The following TMEM163 variants were observed in gnomAD, a reference collection of about 807,000 sequenced individuals.
The protein encoded by TMEM163 is transmembrane protein 163.
A neutral mutation model predicts 29.3 loss-of-function variants in TMEM163; 17 were observed. The observed-to-expected ratio is 0.58, with a 90% CI of 0.40 to 0.87. The LOEUF (loss-of-function observed/expected upper bound fraction) is 0.87, where lower values mean the gene tolerates loss of function less well. TMEM163 is among the 40% of genes least tolerant of loss of function. The pLI, the probability that TMEM163 is intolerant of heterozygous loss-of-function variation, is 0.00. For synonymous variants in TMEM163, 157 were observed against 160.6 expected (o/e 0.98, Z 0.17); for missense variants, 303 against 381.5 (o/e 0.79, Z 1.71).
chr2:134,629,083 CCT>C (rs1408986723), intron 2 of TMEM163, among the ~76,000 whole-genome samples: 5 of 152,156 alleles, frequency 3.3e-5, no homozygotes, highest in African/African-American at 7.2e-5. Context: ...CCAGGTCTTA[CCT>C]AAGTGTTTTA....
intron 5 of TMEM163, among the ~76,000 whole-genome samples, chr2:134,479,662 G>T (rs1260966508): frequency 6.6e-6 from 1 of 152,316 alleles, no homozygotes; most frequent in African/African-American, 2.4e-5. Flanking sequence ...AAAGGGCTTA[G>T]GGGGCACCTA....
At chr2:134,458,904 A>G (rs973453111) in intron 6 of TMEM163, 9 of 151,914 alleles carry the variant, frequency 5.9e-5, no homozygotes, top group African/African-American at 2.2e-4. Flanking sequence ...GAGCTACTAG[A>G]TAGTGACTGC....
At chr2:134,517,926 A>T (rs1167147598) in intron 4 of TMEM163, among the ~76,000 whole-genome samples, 1 of 151,342 alleles carries the variant, frequency 6.6e-6, no homozygotes, top group Non-Finnish European at 1.5e-5. Flanking sequence ...TTCCTTTCAT[A>T]TATCACTACA....
At chr2:134,508,539 C>T (rs1679877736) in intron 4 of TMEM163, among the ~76,000 whole-genome samples, 1 of 152,180 alleles carries the variant, frequency 6.6e-6, no homozygotes, top group Admixed American at 6.5e-5. Context: ...GGAAGCTCAT[C>T]TTGGAGGCAG....
chr2:134,621,112 C>G (rs572130060), intron 2 of TMEM163, among the ~76,000 whole-genome samples: 32 of 152,066 alleles, frequency 2.1e-4, no homozygotes, highest in African/African-American at 7.0e-4. Context: ...AATATATATC[C>G]CTCGTATCAT....
chr2:134,561,499 A>AC (rs1681182644), intron 2 of TMEM163, among the ~76,000 whole-genome samples: 1 of 150,724 alleles, frequency 6.6e-6, no homozygotes, highest in South Asian at 2.1e-4. Flanking sequence ...GGCACCCACC[A>AC]CCACGCCCGG....
intron 1 of TMEM163, among the ~76,000 whole-genome samples, chr2:134,715,471 T>C (rs1336792985): frequency 6.6e-6 from 1 of 152,244 alleles, no homozygotes; most frequent in Non-Finnish European, 1.5e-5. Flanking sequence ...AAAAATAAAA[T>C]GGAATAAGTA....
chr2:134,489,904 C>T lies in TMEM163; in HGVS notation c.555+12997G>A, dbSNP rs143913784. Among the ~76,000 whole-genome samples the T allele has an allele frequency of 2.1e-4, 32 of 152,292 alleles. 2 individuals carry two copies. The highest frequency in any genetic ancestry group is 6.5e-4 in the African/African-American group (27 of 41,560). On this transcript the variant is annotated intron_variant, in intron 5 of 7. Coordinates refer to ENST00000281924, the MANE Select transcript of TMEM163 (RefSeq NM_030923.5). The stretch of plus-strand genomic sequence containing the variant: ...CAGGCAGCCTCTGTTGGGGATTCCC[C>T]GAAAGATGAACTCCTCCTGGTTATA...
intron 2 of TMEM163, among the ~76,000 whole-genome samples, chr2:134,577,593 G>C (rs1435550235): frequency 6.6e-6 from 1 of 152,168 alleles, no homozygotes; most frequent in Non-Finnish European, 1.5e-5. Context: ...GGCCAGGAGA[G>C]AGGGGGCAGG....
chr2:134,576,087 CCA>C (rs1681548595), intron 2 of TMEM163, among the ~76,000 whole-genome samples: 1 of 151,976 alleles, frequency 6.6e-6, no homozygotes, highest in Non-Finnish European at 1.5e-5. Flanking sequence ...AGGGTGGTGG[CCA>C]CAGACGTGTC....
chr2:134,489,948 T>G (rs187048644), intron 5 of TMEM163, among the ~76,000 whole-genome samples: 8 of 152,220 alleles, frequency 5.3e-5, no homozygotes, highest in African/African-American at 1.9e-4. Flanking sequence ...CTAAGTGCAG[T>G]ACCAGCTTAC....
intron 5 of TMEM163, among the ~76,000 whole-genome samples, chr2:134,500,690 T>A (rs1205948470): frequency 6.6e-6 from 1 of 151,618 alleles, no homozygotes; most frequent in Non-Finnish European, 1.5e-5. Flanking sequence ...CGGATGGAAC[T>A]GGAGGTCATT....
chr2:134,544,700 CAGG>C (rs2106504886), intron 4 of TMEM163, among the ~76,000 whole-genome samples: 1 of 152,284 alleles, frequency 6.6e-6, no homozygotes, highest in East Asian at 1.9e-4. Context: ...GAGGCTGAGG[CAGG>C]AGAATTGCTT....
At chr2:134,615,988 C>G (rs375894788) in intron 2 of TMEM163, among the ~76,000 whole-genome samples, 20 of 152,178 alleles carry the variant, frequency 1.3e-4, no homozygotes, top group African/African-American at 4.8e-4. Flanking sequence ...AAATTTTAAA[C>G]AAGTGGGATC....
At chr2:134,697,092 T>C (rs1408632591) in intron 2 of TMEM163, among the ~76,000 whole-genome samples, 3 of 152,096 alleles carry the variant, frequency 2.0e-5, no homozygotes, top group Non-Finnish European at 2.9e-5. Context: ...AGCTTTTCTA[T>C]GTAGAGCTAT....
chr2:134,633,868 G>A (rs1485755326), intron 2 of TMEM163, among the ~76,000 whole-genome samples: 1 of 150,482 alleles, frequency 6.6e-6, no homozygotes, highest in African/African-American at 2.4e-5. Flanking sequence ...AGGCTGAGGT[G>A]GGAGAATCAC....
chr2:134,554,672 T>C (rs955546819), intron 2 of TMEM163, among the ~76,000 whole-genome samples: 2 of 152,186 alleles, frequency 1.3e-5, no homozygotes, highest in Non-Finnish European at 2.9e-5. Context: ...CTCAGGAATC[T>C]GGACTCAAAC....
intron 2 of TMEM163, among the ~76,000 whole-genome samples, chr2:134,641,642 G>A (rs868070498): frequency 3.9e-4 from 59 of 151,906 alleles, no homozygotes; most frequent in African/African-American, 1.3e-3. Flanking sequence ...AAAATGGAAC[G>A]CTAAAACACG....
intron 2 of TMEM163, among the ~76,000 whole-genome samples, chr2:134,674,627 G>A (rs1294862326): frequency 6.6e-6 from 1 of 151,764 alleles, no homozygotes; most frequent in East Asian, 1.9e-4. Flanking sequence ...CAAAGTGCTG[G>A]GATTACAGGC....
Sources: allele counts gnomAD v4.1 joint callset (sites outside exome capture counted in the v4.1 genomes callset), GRCh38; gene constraint gnomAD v4.1.1; transcripts MANE v1.5; gene names NCBI Gene and HGNC (gene_info 2026-07-23, HGNC 2026-07-21).